The following CATSPERB variants were observed in gnomAD, a reference collection of about 807,000 sequenced individuals.
CATSPERB encodes the protein cation channel sperm-associated auxiliary subunit beta.
In CATSPERB, 93 loss-of-function variants were observed where a neutral mutation model predicts 128.3. The observed-to-expected ratio is 0.72, with a 90% CI of 0.61 to 0.86. The LOEUF (loss-of-function observed/expected upper bound fraction) is 0.86. Among genes scored for constraint, CATSPERB ranks in the 40% least tolerant of loss-of-function variants. CATSPERB has a pLI of 0.00. For missense variants in CATSPERB, 1,153 were observed against 1,329.5 expected, an observed-to-expected ratio of 0.87 and a Z score of 2.06; for synonymous variants, 381 against 448.8, an observed-to-expected ratio of 0.85 and a Z score of 1.91.
chr14:91,677,967 C>T (rs559952214), intron 11 of CATSPERB, among the ~76,000 whole-genome samples: 1 of 152,258 alleles, frequency 6.6e-6, no homozygotes, highest in East Asian at 1.9e-4. Flanking sequence ...AGCAAACTAA[C>T]ACAGGAACAG....
chr14:91,686,756 ATGTAT>A (rs1895382337), intron 10 of CATSPERB, among the ~76,000 whole-genome samples: 1 of 152,224 alleles, frequency 6.6e-6, no homozygotes, highest in Admixed American at 6.5e-5. Flanking sequence ...AAGTTCTAGG[ATGTAT>A]TGTATCTATA....
At chr14:91,606,744 A>G (rs1469071026) in intron 22 of CATSPERB, among the ~76,000 whole-genome samples, 2 of 152,176 alleles carry the variant, frequency 1.3e-5, no homozygotes, top group Non-Finnish European at 2.9e-5. Flanking sequence ...GCATTGCTGT[A>G]TCTTCAGAAA....
chr14:91,587,196 T>C lies in CATSPERB; in HGVS notation c.3132+6A>G. 6.3e-7 allele frequency: 1 copy of C among 1,596,804 alleles called. No individual in the cohort carries two copies. Among genetic ancestry groups the C allele is most frequent in the Non-Finnish European group, 8.5e-7 (1 of 1,171,852 alleles). The stretch of plus-strand genomic sequence containing the variant: ...ACCCCTCTGATGCCAAGTGCATCCA[T>C]TTTACCTGAAATTCTTCAATTAAGT... On this transcript the variant is annotated splice_donor_region_variant and intron_variant, in intron 26 of 26. Transcript: ENST00000256343.
At chr14:91,720,377 G>A (rs534961056) in intron 4 of CATSPERB, among the ~76,000 whole-genome samples, 3 of 150,830 alleles carry the variant, frequency 2.0e-5, no homozygotes, top group Non-Finnish European at 4.4e-5. Context: ...TTACAAACAA[G>A]TTTAGCAAGG....
intron 14 of CATSPERB, among the ~76,000 whole-genome samples, chr14:91,663,623 C>T (rs373200030): frequency 3.0e-3 from 339 of 113,264 alleles, no homozygotes; most frequent in Admixed American, 3.7e-3. Flanking sequence ...CCAGCCTGGG[C>T]GACAAAGTGA....
intron 17 of CATSPERB, among the ~76,000 whole-genome samples, chr14:91,632,515 G>A (rs984360016): frequency 6.6e-6 from 1 of 152,110 alleles, no homozygotes; most frequent in Non-Finnish European, 1.5e-5. Context: ...TGATCATGAA[G>A]ATGTAACAAT....
intron 6 of CATSPERB, among the ~76,000 whole-genome samples, chr14:91,707,928 C>T (rs1158612916): frequency 6.6e-6 from 1 of 151,976 alleles, no homozygotes; most frequent in African/African-American, 2.4e-5. Context: ...ATTTCTATAG[C>T]ACTCTTTGCA....
intron 11 of CATSPERB, among the ~76,000 whole-genome samples, chr14:91,674,480 A>C (rs1051372272): frequency 6.6e-6 from 1 of 152,148 alleles, no homozygotes; most frequent in Non-Finnish European, 1.5e-5. Flanking sequence ...TAGGCCATTA[A>C]CTTATATAAA....
chr14:91,660,873 T>C (rs888468672), intron 14 of CATSPERB, among the ~76,000 whole-genome samples: 1 of 152,220 alleles, frequency 6.6e-6, no homozygotes, highest in Non-Finnish European at 1.5e-5. Flanking sequence ...TTCATATGTA[T>C]GCAGATACCA....
At chr14:91,634,651 GATAT>G (rs758628523) in intron 17 of CATSPERB, among the ~76,000 whole-genome samples, 11 of 113,838 alleles carry the variant, frequency 9.7e-5, no homozygotes, top group Admixed American at 1.9e-4. Context: ...TAAAAAATGT[GATAT>G]ATATATATAT....
At chr14:91,588,430 T>C (rs1017800168) in intron 24 of CATSPERB, among the ~76,000 whole-genome samples, 1 of 152,154 alleles carries the variant, frequency 6.6e-6, no homozygotes, top group Non-Finnish European at 1.5e-5. Flanking sequence ...GGATCAGTCC[T>C]GACCTGCACG....
rs187499453 is a variant in CATSPERB, at chr14:91,674,751, T to C, written c.932-529A>G. On this transcript the variant is annotated intron_variant, in intron 11 of 26. Coordinates refer to ENST00000256343, the MANE Select transcript of CATSPERB (RefSeq NM_024764.4). ...AAACAAATCAGACATGGAGACTCAG[T>C]TGTAAAATTCCAGAGATTACCTCAA... 7.7e-3 allele frequency among the ~76,000 whole-genome samples: 1,180 copies of C among 152,318 alleles called. 8 individuals carry two copies. Among genetic ancestry groups the C allele is most frequent in the Non-Finnish European group, 0.013 (851 of 68,024 alleles).
At chr14:91,664,999 T>C (rs1743077) in intron 14 of CATSPERB, among the ~76,000 whole-genome samples, 140,923 of 152,240 alleles carry the variant, frequency 0.93, 65,332 homozygotes, top group African/African-American at 0.97. Context: ...AAGGAAACCT[T>C]CCACCTCAGC....
At chr14:91,651,075 T>C (rs1410913299) in intron 15 of CATSPERB, among the ~76,000 whole-genome samples, 1 of 152,242 alleles carries the variant, frequency 6.6e-6, no homozygotes, top group Non-Finnish European at 1.5e-5. Context: ...TCTCAGACTT[T>C]CTCTTTCCTG....
chr14:91,692,506 G>A (rs1312317344), intron 9 of CATSPERB, among the ~76,000 whole-genome samples: 1 of 152,176 alleles, frequency 6.6e-6, no homozygotes. Context: ...TCAGGTATAT[G>A]TGAATATTCT....
At chr14:91,707,066 T>A (rs916740168) in intron 6 of CATSPERB, among the ~76,000 whole-genome samples, 8 of 152,260 alleles carry the variant, frequency 5.3e-5, no homozygotes, top group Non-Finnish European at 7.3e-5. Context: ...ATTAGTTCTC[T>A]GCTTAAAATA....
chr14:91,646,714 T>A (rs1399282338), intron 15 of CATSPERB, among the ~76,000 whole-genome samples: 1 of 152,236 alleles, frequency 6.6e-6, no homozygotes, highest in African/African-American at 2.4e-5. Context: ...TCCTCTCCAA[T>A]CTCACACTTT....
intron 7 of CATSPERB, among the ~76,000 whole-genome samples, chr14:91,695,451 G>C (rs1895546988): frequency 6.6e-6 from 1 of 151,880 alleles, no homozygotes. Flanking sequence ...AGTTTAAGTG[G>C]GAATAATTAT....
At chr14:91,589,485 A>T in intron 24 of CATSPERB, 49 bp downstream of exon 24, 3 of 1,544,818 alleles carry the variant, frequency 1.9e-6, no homozygotes, top group East Asian at 4.6e-5. Context: ...TAAACCAGTA[A>T]CAATATTACT....
Sources: allele counts gnomAD v4.1 joint callset (sites outside exome capture counted in the v4.1 genomes callset), GRCh38; gene constraint gnomAD v4.1.1; transcripts MANE v1.5; gene names NCBI Gene and HGNC (gene_info 2026-07-23, HGNC 2026-07-21).